The following TTC34 variants were observed in gnomAD, a reference collection of about 807,000 sequenced individuals.
TTC34 encodes the protein tetratricopeptide repeat protein 34.
TTC34 carries 44 observed loss-of-function variants against 40.7 expected under a neutral mutation model. That is an observed-to-expected ratio of 1.08 (90% CI 0.85 to 1.39). The LOEUF (loss-of-function observed/expected upper bound fraction) is 1.39. Ranked by LOEUF, TTC34 falls within the 40% of genes most tolerant of loss-of-function variation. The pLI is 0.00. For synonymous variants in TTC34, 422 were observed against 398.6 expected (o/e 1.06, Z -0.70); for missense variants, 884 against 838.0 (o/e 1.05, Z -0.68).
chr1:2,686,195 C>T (rs79623855), intron 6 of TTC34, among the ~76,000 whole-genome samples: 5 of 147,226 alleles, frequency 3.4e-5, no homozygotes, highest in African/African-American at 7.9e-5. Flanking sequence ...GGAGCAGCGC[C>T]CACACCCCCA....
intron 6 of TTC34, among the ~76,000 whole-genome samples, chr1:2,673,336 G>A (rs1346102457): frequency 5.0e-5 from 4 of 79,668 alleles, no homozygotes; most frequent in African/African-American, 1.6e-4. Flanking sequence ...GCATCCGGCA[G>A]CCTGGAGCGG....
At chr1:2,783,496 C>A (rs1643520121) in intron 6 of TTC34, 113 bp downstream of exon 6, 2 of 1,113,568 alleles carry the variant, frequency 1.8e-6, no homozygotes, top group Non-Finnish European at 2.3e-6. Context: ...TGATGGGCAT[C>A]TCACTGCTCA....
chr1:2,751,893 C>A (rs1207075319), intron 6 of TTC34, among the ~76,000 whole-genome samples: 1 of 117,776 alleles, frequency 8.5e-6, no homozygotes, highest in South Asian at 3.0e-4. Flanking sequence ...CCCACACCCC[C>A]AGGTGAGCAT....
At chr1:2,798,961 G>C (rs868751913) in intron 2 of TTC34, among the ~76,000 whole-genome samples, 62 of 13,678 alleles carry the variant, frequency 4.5e-3, no homozygotes, top group South Asian at 1.0e-2. Flanking sequence ...CTCCAAGCCT[G>C]CCAGCCTCCC....
intron 6 of TTC34, among the ~76,000 whole-genome samples, chr1:2,748,522 CT>C (rs1641219460): frequency 7.1e-6 from 1 of 140,188 alleles, no homozygotes; most frequent in East Asian, 2.0e-4. Flanking sequence ...CACCCACACC[CT>C]CAGGTGAGCA....
At chr1:2,699,479 G>A (rs1382326937) in intron 6 of TTC34, among the ~76,000 whole-genome samples, 1 of 117,344 alleles carries the variant, frequency 8.5e-6, no homozygotes, top group Admixed American at 9.7e-5. Flanking sequence ...TGACAGCCTG[G>A]AGCAGCACCC....
chr1:2,778,958 GCTTT>G (rs1478304453), intron 6 of TTC34, among the ~76,000 whole-genome samples: 1 of 152,028 alleles, frequency 6.6e-6, no homozygotes, highest in African/African-American at 2.4e-5. Flanking sequence ...CCACCATTCT[GCTTT>G]CTGTCTCTGT....
intron 6 of TTC34, among the ~76,000 whole-genome samples, chr1:2,767,654 G>A (rs1641811925): frequency 9.8e-6 from 1 of 102,434 alleles, no homozygotes. Flanking sequence ...ATCCAGGTGA[G>A]CATCCGACAG....
At chr1:2,687,627 T>C (rs1180865243) in intron 6 of TTC34, among the ~76,000 whole-genome samples, 1 of 104,356 alleles carries the variant, frequency 9.6e-6, no homozygotes, top group African/African-American at 4.0e-5. Flanking sequence ...GCAGCTGATA[T>C]CCTGGAACAG....
rs1553171534 is a variant in TTC34 at position 2,792,033 on chromosome 1, T to TTTTTTTTTTTTTA, written c.785-1688_785-1687insTAAAAAAAAAAAA. On this transcript the variant is annotated intron_variant, in intron 2 of 8. Transcript: ENST00000401095. ...TTTTTTTTTTTTTTTTTTTTTTTTTTAAAGACAGGGTCTTGCTCCATCACC... is the reference window on the plus strand; with the variant it reads ...TTTTTTTTTTTTTTTTTTTTTTTTTTTTTTTTTTTTTTAAAAGACAGGGTCTTGCTCCATCACC... 1.7e-4 allele frequency among the ~76,000 whole-genome samples: 18 copies of TTTTTTTTTTTTTA among 107,164 alleles called. 2 individuals are homozygous for TTTTTTTTTTTTTA. The highest frequency in any genetic ancestry group is 5.8e-4 in the East Asian group (2 of 3,478). The allele number at this position is 107,164 out of a possible 152,430, so 70.3% of individuals were successfully genotyped here.
At chr1:2,683,230 C>A (rs1192866984) in intron 6 of TTC34, among the ~76,000 whole-genome samples, 4 of 148,208 alleles carry the variant, frequency 2.7e-5, no homozygotes, top group Admixed American at 6.7e-5. Flanking sequence ...GGCACCCACA[C>A]CCCCAAGTGA....
chr1:2,795,453 T>A (rs765812699), intron 2 of TTC34, among the ~76,000 whole-genome samples: 8 of 152,194 alleles, frequency 5.3e-5, no homozygotes, highest in Non-Finnish European at 8.8e-5. Context: ...AGCCTCTGTC[T>A]GTGTGTTCTC....
chr1:2,750,601 C>T (rs1451874037), intron 6 of TTC34, among the ~76,000 whole-genome samples: 35 of 52,336 alleles, frequency 6.7e-4, no homozygotes, highest in Non-Finnish European at 1.2e-3. Context: ...AGCAGCACCC[C>T]ACACCCACAG....
chr1:2,799,456 T>A (rs921568777), intron 2 of TTC34, among the ~76,000 whole-genome samples: 2 of 151,822 alleles, frequency 1.3e-5, no homozygotes, highest in African/African-American at 4.8e-5. Context: ...AGCAAGAGAA[T>A]CTCTTGAACC....
At chr1:2,768,742 C>T (rs1641888388) in intron 6 of TTC34, among the ~76,000 whole-genome samples, 2 of 139,898 alleles carry the variant, frequency 1.4e-5, no homozygotes, top group Non-Finnish European at 3.1e-5. Flanking sequence ...CAACCCCCTT[C>T]AGGTGAGCAT....
chr1:2,685,799 C>CAA (rs1640309876), intron 6 of TTC34, among the ~76,000 whole-genome samples: 2 of 96,104 alleles, frequency 2.1e-5, no homozygotes, highest in African/African-American at 9.1e-5. Context: ...GAACCCACAC[C>CAA]CCCAGGTGAG....
At chr1:2,750,034 A>T (rs1308136771) in intron 6 of TTC34, among the ~76,000 whole-genome samples, 1 of 102,598 alleles carries the variant, frequency 9.7e-6, no homozygotes, top group Admixed American at 1.0e-4. Flanking sequence ...AGCCTGGAGC[A>T]GCACCCACAC....
At chr1:2,787,907 C>T (rs1364491374) in intron 3 of TTC34, among the ~76,000 whole-genome samples, 1 of 152,238 alleles carries the variant, frequency 6.6e-6, no homozygotes, top group Non-Finnish European at 1.5e-5. Flanking sequence ...TTGCCCTTCT[C>T]CTACCCTGTG....
At position 2,699,299 on chromosome 1, in the gene TTC34, G is replaced by T. The variant is rs1007214094; in HGVS notation, c.2227-53736C>A. ...TGGAGCAGCACCCACACCCCCAGGC[G>T]AGCATCTGACCGCATGGAGCAGCAG... On this transcript the variant is annotated intron_variant, in intron 6 of 8. Coordinates refer to ENST00000401095, the Ensembl canonical transcript of TTC34. Among the ~76,000 whole-genome samples, 23 of 149,920 alleles carry T rather than the reference G, an allele frequency of 1.5e-4. 1 individual carries two copies. The highest frequency in any genetic ancestry group is 2.8e-4 in the Non-Finnish European group (19 of 67,206).
Sources: gnomAD v4.1 joint callset for allele counts (sites outside exome capture counted in the v4.1 genomes callset) on GRCh38, gnomAD v4.1.1 for gene constraint, MANE v1.5 for transcripts, NCBI Gene and HGNC (gene_info 2026-07-23, HGNC 2026-07-21) for gene names.